Variants in SUGP2 observed in about 807,000 individuals in gnomAD.
The protein encoded by SUGP2 is SURP and G-patch domain-containing protein 2.
In SUGP2, 24 loss-of-function variants were observed where a neutral mutation model predicts 90.5. The ratio of observed to expected loss-of-function variants is 0.27; its 90% CI spans 0.19 to 0.37. The LOEUF is 0.37. SUGP2 is among the 10% of genes least tolerant of loss of function. SUGP2 has a pLI of 1.00. For synonymous variants in SUGP2, 473 were observed against 513.4 expected (o/e 0.92, Z 1.06); for missense variants, 1,233 against 1,363.3 (o/e 0.90, Z 1.51).
intron 7 of SUGP2, 39 bp downstream of exon 7, chr19:19,004,129 C>T (rs763307838): frequency 6.1e-6 from 9 of 1,466,490 alleles, no homozygotes; most frequent in East Asian, 2.3e-5. Context: ...CAACCAAGAA[C>T]TGTGCTAGAG....
At position 19,025,938 on chromosome 19, in the gene SUGP2, T is replaced by C; in HGVS notation, c.410A>G (p.Lys137Arg). Residue 137 changes from lysine (K) to arginine (R), a missense_variant, in exon 3 of 11, where the codon AAA becomes AGA. This residue lies in a region of SUGP2 where 418 missense variants were observed against 399.9 expected (regional missense o/e 1.05). Coordinates refer to ENST00000452918, the MANE Select transcript of SUGP2 (RefSeq NM_001017392.5). Reference protein sequence around the residue: ...KLGHFRSQDWKFALRGSWEQD... With the variant: ...KLGHFRSQDWRFALRGSWEQD... ...TTCCCAAGAACCACGGAGCGCAAATTTCCAGTCCTGAGAACGGAAATGCCC... is the reference window on the plus strand; with the variant it reads ...TTCCCAAGAACCACGGAGCGCAAATCTCCAGTCCTGAGAACGGAAATGCCC... 6.2e-7 allele frequency: 1 copy of C among 1,614,100 alleles called. No homozygotes were observed. The highest frequency in any genetic ancestry group is 8.5e-7 in the Non-Finnish European group (1 of 1,180,018).
intron 5 of SUGP2, 68 bp from the exon 6 acceptor site, chr19:19,008,496 G>T (rs1276617756): frequency 1.6e-6 from 2 of 1,258,344 alleles, no homozygotes; most frequent in Non-Finnish European, 2.3e-6. Context: ...ACACTGCAGG[G>T]TTGTGGAGGC....
intron 4 of SUGP2, among the ~76,000 whole-genome samples, chr19:19,011,029 C>T (rs1266476142): frequency 6.6e-6 from 1 of 150,862 alleles, no homozygotes; most frequent in Non-Finnish European, 1.5e-5. Flanking sequence ...CCCAGCTACT[C>T]TGGAGGCTAA....
At chr19:19,000,710 C>CTTT (rs149299644) in intron 8 of SUGP2, among the ~76,000 whole-genome samples, 7 of 144,040 alleles carry the variant, frequency 4.9e-5, no homozygotes, top group African/African-American at 1.5e-4. Flanking sequence ...ATAACTTGAA[C>CTTT]TTTTTTTTTT....
chr19:19,024,557 T>C (rs1166480756), intron 3 of SUGP2, 62 bp downstream of exon 3: 1 of 1,525,358 alleles, frequency 6.6e-7, no homozygotes, highest in East Asian at 2.3e-5. Context: ...AAATCTCGAA[T>C]AAAAGACATT....
At chr19:19,004,808 A>G (rs1441097382) in intron 6 of SUGP2, among the ~76,000 whole-genome samples, 162 bp from the exon 7 acceptor site, 2 of 149,800 alleles carry the variant, frequency 1.3e-5, no homozygotes, top group Admixed American at 1.3e-4. Flanking sequence ...CAGCCTCTCA[A>G]TGATAGAAAA....
intron 3 of SUGP2, among the ~76,000 whole-genome samples, chr19:19,021,290 G>C (rs950982275): frequency 6.6e-6 from 1 of 151,850 alleles, no homozygotes. Context: ...GTGCCCGTCT[G>C]TGTCCATGTT....
intron 8 of SUGP2, among the ~76,000 whole-genome samples, chr19:18,997,782 CA>C (rs35875282): frequency 0.01 from 906 of 88,256 alleles, 5 homozygotes; most frequent in African/African-American, 0.028. Flanking sequence ...GACTCCGTCT[CA>C]AAAAAAAAAA....
Position 19,008,212 on chromosome 19 carries a change from G to A in SUGP2, c.2450+105C>T, listed in dbSNP as rs562392346. On this transcript the variant is annotated intron_variant, in intron 6 of 10. Coordinates refer to ENST00000452918, the MANE Select transcript of SUGP2 (RefSeq NM_001017392.5). Reference sequence around the variant, plus strand: ...CCAGCTACTCTGGAGGCTGAAACAGGAGGATCACTTGAGCCCAGGAATTCA... The same window carrying A: ...CCAGCTACTCTGGAGGCTGAAACAGAAGGATCACTTGAGCCCAGGAATTCA... 270 of 949,528 alleles carry A rather than the reference G, an allele frequency of 2.8e-4. No homozygotes were observed. In the African/African-American group the frequency reaches 3.3e-3, roughly 12 times the overall value. The allele number at this position is 949,528 out of a possible 1,614,324, so 58.8% of individuals were successfully genotyped here. A position where few individuals can be genotyped will look rare whatever the true frequency, so the allele number is the denominator to read the frequency against.
intron 4 of SUGP2, among the ~76,000 whole-genome samples, chr19:19,018,125 G>A (rs2058570952): frequency 6.6e-6 from 1 of 151,864 alleles, no homozygotes; most frequent in Non-Finnish European, 1.5e-5. Flanking sequence ...CACCCCACAA[G>A]CATTATTTGT....
rs2057382623 is a variant in SUGP2 at position 18,992,004 on chromosome 19, G to A, written c.*1737C>T. 1 of 152,250 alleles carries A rather than the reference G, an allele frequency of 6.6e-6. No homozygotes were observed. Among genetic ancestry groups the A allele is most frequent in the Non-Finnish European group, 1.5e-5 (1 of 68,096 alleles). The allele number at this position is 152,250 out of a possible 1,614,324, so 9.4% of individuals were successfully genotyped here. On this transcript the variant is annotated 3_prime_UTR_variant, in exon 11 of 11. Coordinates refer to ENST00000452918, the MANE Select transcript of SUGP2 (RefSeq NM_001017392.5). ...AAGGTGACAGGGACCAGGCAGACAA[G>A]GAGCTGGGACCACAGCCTAGGAAGT... is the stretch of plus-strand genomic sequence containing the variant.
At chr19:19,024,530 A>G in intron 3 of SUGP2, 89 bp downstream of exon 3, 1 of 1,451,140 alleles carries the variant, frequency 6.9e-7, no homozygotes, top group Non-Finnish European at 9.2e-7. Context: ...AATTGGCTAA[A>G]GAACTTCTGT....
At chr19:18,995,014 C>T (rs1216126066) in intron 9 of SUGP2, 130 bp downstream of exon 9, 2 of 1,062,532 alleles carry the variant, frequency 1.9e-6, no homozygotes, top group Admixed American at 4.1e-5. Flanking sequence ...TCTGAAGATG[C>T]CTTCTGTTTA....
Position 19,025,593 on chromosome 19 carries a change from G to A in SUGP2, c.755C>T (p.Thr252Ile). 1 of 1,613,604 alleles carries A rather than the reference G, an allele frequency of 6.2e-7. No homozygotes were observed. Among genetic ancestry groups the A allele is most frequent in the Non-Finnish European group, 8.5e-7 (1 of 1,179,876 alleles). ...ACGATTCACGGTGGGTATTTTTTTT[G>A]TGCTCACATTTCTCAATGTGACAAG... ...GKLVTLRNVS[T>I]KKIPTVNRIT... Residue 252 changes from threonine (T) to isoleucine (I), a missense_variant, in exon 3 of 11, where the codon ACA (threonine) becomes ATA (isoleucine). Coordinates refer to ENST00000452918, the MANE Select transcript of SUGP2 (RefSeq NM_001017392.5).
At chr19:19,004,959 C>T (rs1193739100) in intron 6 of SUGP2, among the ~76,000 whole-genome samples, 1 of 152,242 alleles carries the variant, frequency 6.6e-6, no homozygotes, top group Non-Finnish European at 1.5e-5. Flanking sequence ...CCATCTCACC[C>T]TTTCTGGTTA....
At chr19:19,002,962 AT>A (rs1475833943) in intron 7 of SUGP2, among the ~76,000 whole-genome samples, 1 of 151,468 alleles carries the variant, frequency 6.6e-6, no homozygotes, top group East Asian at 1.9e-4. Context: ...TATTTACTTC[AT>A]TTTTTTTACA....
At position 18,992,191 on chromosome 19, in the gene SUGP2, C is replaced by G. The variant is rs964174928; in HGVS notation, c.*1550G>C. ...TCAGCCTCCTGAGTAGCTGGGACTA[C>G]AAGCGCCCGCCACCACGCCCAGCTA... On this transcript the variant is annotated 3_prime_UTR_variant, in exon 11 of 11. Coordinates refer to ENST00000452918, the MANE Select transcript of SUGP2 (RefSeq NM_001017392.5). The G allele has an allele frequency of 1.3e-5, 2 of 151,674 alleles. No individual in the cohort carries two copies. Among genetic ancestry groups the G allele is most frequent in the Non-Finnish European group, 2.9e-5 (2 of 68,104 alleles). The allele number at this position is 151,674 out of a possible 1,614,324, so 9.4% of individuals were successfully genotyped here. A position where few individuals can be genotyped will look rare whatever the true frequency, so the allele number is the denominator to read the frequency against.
chr19:19,010,513 CCTG>C (rs1233521995), intron 4 of SUGP2, among the ~76,000 whole-genome samples, 171 bp from the exon 5 acceptor site: 1 of 152,162 alleles, frequency 6.6e-6, no homozygotes, highest in Admixed American at 6.5e-5. Context: ...AGACAGCTGC[CCTG>C]CTAAGAGTGA....
At chr19:19,031,895 C>G (rs2059172914) in intron 1 of SUGP2, among the ~76,000 whole-genome samples, 1 of 150,108 alleles carries the variant, frequency 6.7e-6, no homozygotes. Context: ...AACTCCTGAC[C>G]TCAAGCAATC....
Sources: allele counts gnomAD v4.1 joint callset (sites outside exome capture counted in the v4.1 genomes callset), GRCh38; gene constraint gnomAD v4.1.1; regional missense constraint gnomAD v4.1.1; transcripts MANE v1.5; gene names NCBI Gene and HGNC (gene_info 2026-07-23, HGNC 2026-07-21).